WNK2: variants seen among roughly 807,000 people sequenced by gnomAD.
WNK2 encodes the protein serine/threonine-protein kinase WNK2.
In WNK2, 67 loss-of-function variants were observed where a neutral mutation model predicts 192.1. That is an observed-to-expected ratio of 0.35 (90% CI 0.29 to 0.43). WNK2 has a LOEUF of 0.43. WNK2 is among the 20% of genes least tolerant of loss of function. The pLI is 1.00. For missense variants in WNK2, 2,698 were observed against 3,089.7 expected (o/e 0.87, Z 3.01); for synonymous variants, 1,439 against 1,393.9 (o/e 1.03, Z -0.72).
Position 93,320,517 on chromosome 9 carries a change from A to G in WNK2, c.*125A>G. The stretch of plus-strand genomic sequence containing the variant: ...ACCACTTTCTAAGCATTTTTTATTC[A>G]CAATTGGAAACACAAATGTAATGCA... On this transcript the variant is annotated 3_prime_UTR_variant, in exon 30 of 30. Transcript: ENST00000427277. 9.8e-7 allele frequency: 1 copy of G among 1,018,324 alleles called. No homozygotes were observed. Among genetic ancestry groups the G allele is most frequent in the East Asian group, 5.2e-5 (1 of 19,138 alleles). The allele number at this position is 1,018,324 out of a possible 1,614,324, so 63.1% of individuals were successfully genotyped here.
In WNK2 at chr9:93,185,276, C is replaced by T; in HGVS notation, c.347C>T (p.Pro116Leu). ...CCCGGAGCCCCCGCGGACGCCGGCC[C>T]CGAGCCCGTGGGCACGCAGGAGCCC... Reference protein sequence around the residue: ...GAPGAPADAGPEPVGTQEPGP... With the variant: ...GAPGAPADAGLEPVGTQEPGP... The change falls in exon 2 of 30, where the codon CCC (proline) becomes CTC (leucine). Residue 116 changes from proline to leucine, a missense_variant. Around this residue, in one of 7 missense-constraint regions of WNK2, gnomAD observed 260 missense variants for 285.6 expected, o/e 0.91. Coordinates refer to ENST00000427277, the MANE Select transcript of WNK2 (RefSeq NM_006648.4). 1 of 1,352,034 alleles carries T rather than the reference C, an allele frequency of 7.4e-7. No homozygotes were observed. Among genetic ancestry groups the T allele is most frequent in the Non-Finnish European group, 9.4e-7 (1 of 1,059,038 alleles). 83.8% of individuals were successfully genotyped at this position (1,352,034 alleles called of 1,614,324 possible). A position where few individuals can be genotyped will look rare whatever the true frequency, so the allele number is the denominator to read the frequency against.
At position 93,185,298 on chromosome 9, in the gene WNK2, G is replaced by T. The variant is rs973062877; in HGVS notation, c.369G>T (p.Glu123Asp). ...DAGPEPVGTQ[E>D]PGPDPIAAAV... ...GCCCCGAGCCCGTGGGCACGCAGGA[G>T]CCCGGCCCGGACCCCATCGCAGCCG... is the stretch of plus-strand genomic sequence containing the variant. The change falls in exon 2 of 30, where the codon GAG (glutamate) becomes GAT (aspartate). Residue 123 changes from glutamate (E) to aspartate (D), a missense_variant. This residue lies in a region of WNK2 where 260 missense variants were observed against 285.6 expected (regional missense o/e 0.91). Transcript: ENST00000427277. 1.4e-5 allele frequency: 21 copies of T among 1,458,710 alleles called. No homozygotes were observed. In the African/African-American group the frequency reaches 2.7e-4, roughly 18 times the overall value. 90.4% of individuals were successfully genotyped at this position (1,458,710 alleles called of 1,614,324 possible). A position where few individuals can be genotyped will look rare whatever the true frequency, so the allele number is the denominator to read the frequency against.
At chr9:93,316,378 T>C (rs116945141) in intron 28 of WNK2, 1 of 152,240 alleles carries the variant, frequency 6.6e-6, no homozygotes, top group Non-Finnish European at 1.5e-5. Flanking sequence ...TGGGTGAGGT[T>C]TGACATATGA....
rs59582411 is a variant in WNK2, at chr9:93,199,899, C to CAAA, written c.681+14299_681+14301dup. On this transcript the variant is annotated intron_variant, in intron 2 of 29. Coordinates refer to ENST00000427277, the MANE Select transcript of WNK2 (RefSeq NM_006648.4). The stretch of plus-strand genomic sequence containing the variant: ...GGCGACAGAGCAAGACTCTTTGTCT[C>CAAA]AAAAAAAAAAAAGAAAACACAAAGC... Among the ~76,000 whole-genome samples, 47 of 107,744 alleles carry CAAA rather than the reference C, an allele frequency of 4.4e-4. 2 individuals carry two copies. The highest frequency in any genetic ancestry group is 5.6e-4 in the Non-Finnish European group (29 of 51,560). The allele number at this position is 107,744 out of a possible 152,430, so 70.7% of individuals were successfully genotyped here. A position where few individuals can be genotyped will look rare whatever the true frequency, so the allele number is the denominator to read the frequency against.
chr9:93,185,617 G>T lies in WNK2; in HGVS notation c.681+7G>T. 2 of 1,606,610 alleles carry T rather than the reference G, an allele frequency of 1.2e-6. No homozygotes were observed. Among genetic ancestry groups the T allele is most frequent in the South Asian group, 1.1e-5 (1 of 90,042 alleles). On this transcript the variant is annotated splice_region_variant and intron_variant, in intron 2 of 29. Transcript: ENST00000427277. ...GGCCTGGTGTGAGCTGCAGGTGAGG[G>T]TGCCCCAGCCCGCAGGGGGCTTTCC...
intron 4 of WNK2, among the ~76,000 whole-genome samples, chr9:93,232,378 AT>A (rs1039870401): frequency 6.6e-6 from 1 of 152,076 alleles, no homozygotes; most frequent in African/African-American, 2.4e-5. Context: ...AAATGGGTAT[AT>A]AGGTGAGGGT....
At chr9:93,193,704 A>G (rs7031721) in intron 2 of WNK2, among the ~76,000 whole-genome samples, 23,109 of 152,244 alleles carry the variant, frequency 0.15, 1,829 homozygotes, top group South Asian at 0.22. Flanking sequence ...GAGGTTGGCA[A>G]CCTGAACACT....
intron 29 of WNK2, chr9:93,318,725 C>T (rs928707957): frequency 5.4e-5 from 78 of 1,440,978 alleles, no homozygotes; most frequent in East Asian, 3.5e-4. Flanking sequence ...GCATGCAGAC[C>T]GCTCTCCCGT....
intron 16 of WNK2, among the ~76,000 whole-genome samples, chr9:93,266,462 A>G (rs1845190195): frequency 6.6e-6 from 1 of 152,262 alleles, no homozygotes; most frequent in South Asian, 2.1e-4. Context: ...GAAACATAAT[A>G]GGAAAACATT....
intron 23 of WNK2, among the ~76,000 whole-genome samples, chr9:93,296,967 C>G (rs1264957465): frequency 7.7e-6 from 1 of 129,746 alleles, no homozygotes; most frequent in Non-Finnish European, 1.7e-5. Context: ...CTCTGCATCC[C>G]CTCGGCCTCC....
intron 2 of WNK2, among the ~76,000 whole-genome samples, chr9:93,220,011 C>T (rs1836539120): frequency 6.6e-6 from 1 of 152,198 alleles, no homozygotes; most frequent in South Asian, 2.1e-4. Context: ...CTCTCTTCCT[C>T]CAGGACAGGG....
intron 26 of WNK2, among the ~76,000 whole-genome samples, chr9:93,305,729 A>C (rs1202540246): frequency 1.3e-5 from 2 of 152,210 alleles, no homozygotes; most frequent in Admixed American, 1.3e-4. Context: ...AGACGTTGCC[A>C]GGTTTTCTGA....
chr9:93,244,588 G>A (rs116319883), intron 7 of WNK2, among the ~76,000 whole-genome samples: 3,761 of 152,322 alleles, frequency 0.025, 153 homozygotes, highest in African/African-American at 0.086. Context: ...AGGAGGACGT[G>A]GCCTTGGCAG....
intron 2 of WNK2, among the ~76,000 whole-genome samples, chr9:93,226,725 G>T (rs926375358): frequency 6.6e-6 from 1 of 152,132 alleles, no homozygotes; most frequent in Non-Finnish European, 1.5e-5. Flanking sequence ...GGTCCTACCA[G>T]ACATATTCTT....
chr9:93,299,402 A>C, intron 25 of WNK2, 141 bp downstream of exon 25: 1 of 861,726 alleles, frequency 1.2e-6, no homozygotes, highest in Non-Finnish European at 1.7e-6. Context: ...AAAAGGATAA[A>C]AAAAAAAAGG....
chr9:93,296,862 T>TCCTCCCCTCCGCAC (rs1433313894), intron 23 of WNK2, among the ~76,000 whole-genome samples: 1 of 106,752 alleles, frequency 9.4e-6, no homozygotes, highest in East Asian at 3.2e-4. Context: ...TCCTTCACCT[T>TCCTCCCCTCCGCAC]CCTCCCCTCC....
intron 4 of WNK2, among the ~76,000 whole-genome samples, chr9:93,231,580 T>C (rs1044978781): frequency 6.6e-6 from 1 of 152,192 alleles, no homozygotes; most frequent in Admixed American, 6.5e-5. Context: ...GAGCTCCCAG[T>C]GTCACCCGGG....
intron 2 of WNK2, among the ~76,000 whole-genome samples, chr9:93,201,572 C>T: frequency 6.6e-6 from 1 of 152,212 alleles, no homozygotes; most frequent in East Asian, 1.9e-4. Context: ...AAAACTAGTA[C>T]CTAAGCCCCA....
At chr9:93,210,238 G>A (rs767511669) in intron 2 of WNK2, among the ~76,000 whole-genome samples, 10 of 151,930 alleles carry the variant, frequency 6.6e-5, no homozygotes, top group East Asian at 1.9e-4. Context: ...GATTTGGGGA[G>A]GACAGTGGGG....
Sources: gnomAD v4.1 joint callset for allele counts (sites outside exome capture counted in the v4.1 genomes callset) on GRCh38, gnomAD v4.1.1 for gene constraint, gnomAD v4.1.1 regional missense constraint, MANE v1.5 for transcripts, NCBI Gene and HGNC (gene_info 2026-07-23, HGNC 2026-07-21) for gene names.